The following XYLT1 variants were observed in gnomAD, a reference collection of about 807,000 sequenced individuals.
XYLT1 encodes the protein beta-D-xylosyltransferase 1.
XYLT1 carries 36 observed loss-of-function variants against 91.3 expected under a neutral mutation model. The ratio of observed to expected loss-of-function variants is 0.39; its 90% CI spans 0.30 to 0.52. The LOEUF (loss-of-function observed/expected upper bound fraction) is 0.52. Ranked by LOEUF, XYLT1 falls within the 20% of genes least tolerant of loss-of-function variation. The pLI is 0.68. For synonymous variants in XYLT1, 588 were observed against 532.0 expected (o/e 1.11, Z -1.45); for missense variants, 1,242 against 1,284.5 (o/e 0.97, Z 0.51).
chr16:17,168,157 C>T (rs557866953), intron 5 of XYLT1, among the ~76,000 whole-genome samples: 37 of 152,302 alleles, frequency 2.4e-4, no homozygotes, highest in Admixed American at 9.1e-4. Context: ...TTCACTGAAG[C>T]ACTATTAACA....
chr16:17,167,112 G>A (rs1402034102), intron 5 of XYLT1, among the ~76,000 whole-genome samples: 1 of 152,218 alleles, frequency 6.6e-6, no homozygotes, highest in Non-Finnish European at 1.5e-5. Flanking sequence ...CTTATGAGTG[G>A]TGGAGGGGAG....
intron 3 of XYLT1, among the ~76,000 whole-genome samples, chr16:17,210,725 T>C (rs2032741646): frequency 6.6e-6 from 1 of 152,226 alleles, no homozygotes. Context: ...TTAAATGCGA[T>C]GTCAGAGTTA....
At chr16:17,338,628 C>T (rs1244998078) in intron 2 of XYLT1, 4 of 387,622 alleles carry the variant, frequency 1.0e-5, no homozygotes, top group Non-Finnish European at 2.1e-5. Context: ...TCACATTCAC[C>T]CTTTTTTTTG....
chr16:17,465,075 C>T (rs991781172), intron 1 of XYLT1, among the ~76,000 whole-genome samples: 2 of 118,626 alleles, frequency 1.7e-5, no homozygotes, highest in African/African-American at 6.5e-5. Flanking sequence ...ACCTAGGAGG[C>T]GGAGGTTGCA....
At chr16:17,408,627 C>T (rs1428853986) in intron 1 of XYLT1, among the ~76,000 whole-genome samples, 1 of 152,218 alleles carries the variant, frequency 6.6e-6, no homozygotes, top group Non-Finnish European at 1.5e-5. Flanking sequence ...CGGCGGATCA[C>T]CTGAAGTCAG....
At chr16:17,295,220 T>C (rs533669690) in intron 2 of XYLT1, among the ~76,000 whole-genome samples, 5 of 152,290 alleles carry the variant, frequency 3.3e-5, no homozygotes, top group African/African-American at 1.2e-4. Context: ...AAGCCTCACG[T>C]TGCTGGTGGA....
chr16:17,246,290 GTTA>G (rs2033434770), intron 3 of XYLT1, among the ~76,000 whole-genome samples: 1 of 152,210 alleles, frequency 6.6e-6, no homozygotes, highest in Non-Finnish European at 1.5e-5. Context: ...GAGGTTAAGT[GTTA>G]TTATTTAAGA....
At chr16:17,259,892 T>C (rs1344463543) in intron 2 of XYLT1, among the ~76,000 whole-genome samples, 2 of 152,188 alleles carry the variant, frequency 1.3e-5, no homozygotes, top group Admixed American at 6.5e-5. Context: ...CTGGAAATGA[T>C]ATAATAAAGT....
At chr16:17,301,298 T>A (rs919764308) in intron 2 of XYLT1, among the ~76,000 whole-genome samples, 1 of 152,028 alleles carries the variant, frequency 6.6e-6, no homozygotes, top group African/African-American at 2.4e-5. Flanking sequence ...TAATCCCAGC[T>A]ACTCAGGAAG....
chr16:17,246,073 A>G (rs2141741056), intron 3 of XYLT1, among the ~76,000 whole-genome samples: 1 of 152,336 alleles, frequency 6.6e-6, no homozygotes, highest in South Asian at 2.1e-4. Context: ...TATAGACACC[A>G]AAGTGCAGTG....
Position 17,109,023 on chromosome 16 carries a change from A to G in XYLT1, c.2558-6T>C, listed in dbSNP as rs772914063. ...GTGCAGCTTCAGTGCCTCCTCTGAA[A>G]GCCAAAGGGAACAATTTCAGGATCA... On this transcript the variant is annotated splice_polypyrimidine_tract_variant and splice_region_variant and intron_variant, in intron 11 of 11. Transcript: ENST00000261381. 32 of 1,501,440 alleles carry G rather than the reference A, an allele frequency of 2.1e-5. 1 individual carries two copies. The Middle Eastern group carries it at 4.7e-3, about 218-fold the overall frequency. The allele number at this position is 1,501,440 out of a possible 1,614,324, so 93.0% of individuals were successfully genotyped here.
chr16:17,217,441 T>C (rs1450009424), intron 3 of XYLT1, among the ~76,000 whole-genome samples: 2 of 152,300 alleles, frequency 1.3e-5, no homozygotes, highest in South Asian at 2.1e-4. Context: ...ATTTTGCAAA[T>C]AGTTTTATGC....
chr16:17,157,755 T>A (rs73531353), intron 6 of XYLT1, among the ~76,000 whole-genome samples: 3,218 of 141,008 alleles, frequency 0.023, 124 homozygotes, highest in African/African-American at 0.098. Context: ...TTTCTTTTTT[T>A]GTTTTCTTTT....
intron 1 of XYLT1, among the ~76,000 whole-genome samples, chr16:17,411,540 A>C (rs1285152113): frequency 2.0e-5 from 3 of 152,180 alleles, no homozygotes; most frequent in African/African-American, 7.2e-5. Context: ...TTTTTTGAAG[A>C]AGTCTTTTGG....
intron 3 of XYLT1, among the ~76,000 whole-genome samples, chr16:17,235,742 T>C (rs1213762301): frequency 6.6e-6 from 1 of 152,238 alleles, no homozygotes; most frequent in Admixed American, 6.5e-5. Flanking sequence ...ACAGAAAATC[T>C]GACGTGTTGG....
chr16:17,231,933 G>A (rs2033162357), intron 3 of XYLT1, among the ~76,000 whole-genome samples: 1 of 151,228 alleles, frequency 6.6e-6, no homozygotes, highest in South Asian at 2.1e-4. Flanking sequence ...GTACACTTAG[G>A]CCACACTCAA....
At chr16:17,187,097 T>A (rs1036444022) in intron 5 of XYLT1, among the ~76,000 whole-genome samples, 1 of 151,930 alleles carries the variant, frequency 6.6e-6, no homozygotes, top group Non-Finnish European at 1.5e-5. Context: ...TCTTCTAAAA[T>A]GTAGAAGAAT....
intron 1 of XYLT1, among the ~76,000 whole-genome samples, chr16:17,400,345 C>G (rs1396342020): frequency 6.6e-6 from 1 of 152,136 alleles, no homozygotes; most frequent in Non-Finnish European, 1.5e-5. Flanking sequence ...AATCCCAGCA[C>G]TTTGGGAGGC....
At chr16:17,154,388 AG>A (rs112793827) in intron 6 of XYLT1, among the ~76,000 whole-genome samples, 13,533 of 152,184 alleles carry the variant, frequency 0.089, 1,270 homozygotes, top group African/African-American at 0.23. Flanking sequence ...GGGAAGGAAA[AG>A]TCTCAGAAAA....
Sources: allele counts gnomAD v4.1 joint callset (sites outside exome capture counted in the v4.1 genomes callset), GRCh38; gene constraint gnomAD v4.1.1; transcripts MANE v1.5; gene names NCBI Gene and HGNC (gene_info 2026-07-23, HGNC 2026-07-21).